Variants in FAM120A observed in about 807,000 individuals in gnomAD.
FAM120A encodes the protein constitutive coactivator of PPAR-gamma-like protein 1.
Under a neutral mutation model 109.7 loss-of-function variants are expected in FAM120A, and 15 were observed. That is an observed-to-expected ratio of 0.14 (90% CI 0.09 to 0.21). The LOEUF is 0.21. FAM120A is among the 10% of genes least tolerant of loss of function. The pLI is 1.00. For synonymous variants in FAM120A, 493 were observed against 572.8 expected, an observed-to-expected ratio of 0.86 and a Z score of 1.99; for missense variants, 899 against 1,439.3, an observed-to-expected ratio of 0.62 and a Z score of 6.07.
At chr9:93,468,868 A>T (rs1001598531) in intron 1 of FAM120A, among the ~76,000 whole-genome samples, 6 of 152,108 alleles carry the variant, frequency 3.9e-5, no homozygotes, top group Non-Finnish European at 8.8e-5. Flanking sequence ...CTCTTGAAAT[A>T]TATTGCCTGC....
At chr9:93,494,699 T>C (rs1859493350) in intron 3 of FAM120A, among the ~76,000 whole-genome samples, 1 of 152,166 alleles carries the variant, frequency 6.6e-6, no homozygotes, top group Admixed American at 6.5e-5. Context: ...TGGGACCTGC[T>C]TTGTTCAGTC....
At chr9:93,454,417 G>T (rs1372096971) in intron 1 of FAM120A, among the ~76,000 whole-genome samples, 1 of 151,930 alleles carries the variant, frequency 6.6e-6, no homozygotes, top group African/African-American at 2.4e-5. Context: ...TGATGTGGGG[G>T]GTTGGCGGGT....
At chr9:93,456,475 T>G (rs1857552628) in intron 1 of FAM120A, among the ~76,000 whole-genome samples, 6 of 152,258 alleles carry the variant, frequency 3.9e-5, no homozygotes, top group Admixed American at 3.9e-4. Context: ...ATGGTTAGCA[T>G]AATTACATGT....
chr9:93,519,082 G>A (rs1231399111), intron 7 of FAM120A, among the ~76,000 whole-genome samples: 1 of 152,052 alleles, frequency 6.6e-6, no homozygotes, highest in African/African-American at 2.4e-5. Context: ...GAGAGACCCT[G>A]GTGTTTCTTT....
chr9:93,492,654 C>A (rs1219775172), intron 3 of FAM120A, among the ~76,000 whole-genome samples: 2 of 151,218 alleles, frequency 1.3e-5, no homozygotes, highest in Non-Finnish European at 2.9e-5. Context: ...AGGCTCAGAG[C>A]TGCCTGCGAA....
At chr9:93,512,884 T>C (rs1226988431) in intron 5 of FAM120A, among the ~76,000 whole-genome samples, 1 of 152,226 alleles carries the variant, frequency 6.6e-6, no homozygotes, top group Non-Finnish European at 1.5e-5. Flanking sequence ...TGGAATGTGA[T>C]TTTAGAAAAT....
intron 3 of FAM120A, among the ~76,000 whole-genome samples, chr9:93,496,143 C>T (rs1225338743): frequency 6.6e-6 from 1 of 152,232 alleles, no homozygotes; most frequent in East Asian, 1.9e-4. Context: ...TCCACCACAT[C>T]TGCAGTGACT....
intron 9 of FAM120A, chr9:93,529,788 CTT>C (rs1365396751): frequency 1.6e-6 from 1 of 616,050 alleles, no homozygotes. Context: ...AAAAGTCTCA[CTT>C]TTTTCCTTCA....
Position 93,494,355 on chromosome 9 carries a change from G to A in FAM120A, c.805-3116G>A, listed in dbSNP as rs552045333. Reference sequence around the variant, plus strand: ...CATTCTTCGGAGGAACTTGTAGCCCGGATGCTATGGGACCACCATATCCTA... The same window carrying A: ...CATTCTTCGGAGGAACTTGTAGCCCAGATGCTATGGGACCACCATATCCTA... On this transcript the variant is annotated intron_variant, in intron 3 of 17. Coordinates refer to ENST00000277165, the MANE Select transcript of FAM120A (RefSeq NM_014612.5). Among the ~76,000 whole-genome samples the A allele has an allele frequency of 4.6e-5, 7 of 152,282 alleles. No individual in the cohort carries two copies. In the South Asian group the frequency reaches 8.3e-4, roughly 18 times the overall value.
intron 5 of FAM120A, among the ~76,000 whole-genome samples, chr9:93,512,678 C>G (rs983718873): frequency 8.5e-5 from 13 of 152,168 alleles, no homozygotes; most frequent in African/African-American, 2.4e-5. Context: ...CACAGTGGTT[C>G]TGCTCAGCTG....
intron 5 of FAM120A, among the ~76,000 whole-genome samples, chr9:93,513,465 G>T (rs1029619157): frequency 4.6e-5 from 7 of 152,290 alleles, no homozygotes; most frequent in African/African-American, 1.7e-4. Context: ...AATGTGTTGT[G>T]TGCACGTGTG....
At chr9:93,501,500 G>T (rs1486305681) in intron 5 of FAM120A, among the ~76,000 whole-genome samples, 2 of 152,164 alleles carry the variant, frequency 1.3e-5, no homozygotes, top group African/African-American at 4.8e-5. Context: ...AAAGTAACTG[G>T]TAGAGTTTGG....
At chr9:93,502,747 GTTCT>G (rs954456772) in intron 5 of FAM120A, among the ~76,000 whole-genome samples, 21 of 152,270 alleles carry the variant, frequency 1.4e-4, no homozygotes, top group Admixed American at 1.2e-3. Context: ...GTTGTGATTT[GTTCT>G]TTCTGTCTCA....
At chr9:93,543,134 C>T in intron 10 of FAM120A, 88 bp from the exon 11 acceptor site, 1 of 1,500,902 alleles carries the variant, frequency 6.7e-7, no homozygotes, top group Non-Finnish European at 9.0e-7. Flanking sequence ...AATCTTTAGA[C>T]CAGTTACTAG....
At chr9:93,545,625 A>C (rs914528568) in intron 11 of FAM120A, among the ~76,000 whole-genome samples, 19 of 152,260 alleles carry the variant, frequency 1.2e-4, no homozygotes, top group Admixed American at 1.2e-3. Flanking sequence ...GACAGAGCTT[A>C]TTCTTGTTTT....
chr9:93,508,596 T>C (rs984953471), intron 5 of FAM120A, among the ~76,000 whole-genome samples: 1 of 152,222 alleles, frequency 6.6e-6, no homozygotes. Context: ...TGAAAGTTAC[T>C]TGTGACAAAC....
chr9:93,479,110 T>C (rs56155738), intron 3 of FAM120A, among the ~76,000 whole-genome samples: 164 of 110,540 alleles, frequency 1.5e-3, no homozygotes, highest in South Asian at 8.9e-3. Context: ...TTTTTTTTTT[T>C]TTTTTTGAGA....
intron 12 of FAM120A, among the ~76,000 whole-genome samples, chr9:93,554,024 AGATT>A (rs1862195374): frequency 6.6e-6 from 1 of 152,096 alleles, no homozygotes; most frequent in Non-Finnish European, 1.5e-5. Context: ...TTTCTCTATT[AGATT>A]AATGCTAATT....
At chr9:93,484,178 C>G (rs1588821955) in intron 3 of FAM120A, among the ~76,000 whole-genome samples, 1 of 152,132 alleles carries the variant, frequency 6.6e-6, no homozygotes, top group Admixed American at 6.5e-5. Flanking sequence ...GCCTCAGCCT[C>G]CCAAGTAGCT....
Sources: gnomAD v4.1 joint callset for allele counts (sites outside exome capture counted in the v4.1 genomes callset) on GRCh38, gnomAD v4.1.1 for gene constraint, MANE v1.5 for transcripts, NCBI Gene and HGNC (gene_info 2026-07-23, HGNC 2026-07-21) for gene names.